The following TMEM232 variants were observed in gnomAD, a reference collection of about 807,000 sequenced individuals.
TMEM232 encodes transmembrane protein 232.
In TMEM232, 80 loss-of-function variants were observed where a neutral mutation model predicts 78.8. The observed-to-expected ratio is 1.01, with a 90% CI of 0.85 to 1.22. TMEM232 has a LOEUF of 1.22. Among genes scored for constraint, TMEM232 ranks in the 50% most tolerant of loss-of-function variants. TMEM232 has a pLI of 0.00. For missense variants in TMEM232, 881 were observed against 742.2 expected (o/e 1.19, Z -2.17); for synonymous variants, 297 against 254.3 (o/e 1.17, Z -1.60).
intron 8 of TMEM232, among the ~76,000 whole-genome samples, chr5:110,617,730 C>A (rs1301955080): frequency 6.6e-6 from 1 of 151,978 alleles, no homozygotes; most frequent in African/African-American, 2.4e-5. Context: ...CCGAGGTAGG[C>A]AGATCACTTG....
chr5:110,594,496 C>A (rs755779494), intron 10 of TMEM232, among the ~76,000 whole-genome samples: 4 of 152,110 alleles, frequency 2.6e-5, no homozygotes, highest in Non-Finnish European at 5.9e-5. Flanking sequence ...AACCAGGGAG[C>A]CAAGTGGTCT....
chr5:110,535,889 C>T (rs568777348), intron 11 of TMEM232, among the ~76,000 whole-genome samples: 4 of 152,262 alleles, frequency 2.6e-5, no homozygotes, highest in East Asian at 1.9e-4. Context: ...AAAATCAAAA[C>T]GCCAACTTTC....
At chr5:110,390,114 A>T (rs527701446) in intron 4 of TMEM232, among the ~76,000 whole-genome samples, 1 of 151,988 alleles carries the variant, frequency 6.6e-6, no homozygotes, top group South Asian at 2.1e-4. Flanking sequence ...CCCATAACCA[A>T]TTGAGCTTTT....
intron 1 of TMEM232, among the ~76,000 whole-genome samples, chr5:110,717,924 C>T (rs1184965508): frequency 6.6e-6 from 1 of 152,038 alleles, no homozygotes; most frequent in East Asian, 1.9e-4. Flanking sequence ...TACCCAGTCT[C>T]AGGTAGTATG....
chr5:110,683,652 C>T (rs369543082), intron 1 of TMEM232, among the ~76,000 whole-genome samples: 31 of 151,500 alleles, frequency 2.0e-4, no homozygotes, highest in Admixed American at 1.9e-3. Flanking sequence ...TATTATTATG[C>T]CTTTTTAGAG....
At chr5:110,432,089 G>C (rs190432818) in intron 12 of TMEM232, among the ~76,000 whole-genome samples, 2 of 151,742 alleles carry the variant, frequency 1.3e-5, no homozygotes, top group Admixed American at 6.6e-5. Context: ...ATATTTTTTT[G>C]TAGAAGTAGA....
intron 12 of TMEM232, among the ~76,000 whole-genome samples, chr5:110,514,779 T>C (rs1266821525): frequency 6.6e-6 from 1 of 152,148 alleles, no homozygotes; most frequent in Admixed American, 6.6e-5. Flanking sequence ...AGGCCAAGTC[T>C]ATTTTGGGGG....
chr5:110,657,472 C>A lies in TMEM232; in HGVS notation c.125+9756G>T, dbSNP rs182822828. Among the ~76,000 whole-genome samples, 6 of 151,648 alleles carry A rather than the reference C, an allele frequency of 4.0e-5. No individual in the cohort carries two copies. In the East Asian group the frequency reaches 9.7e-4, roughly 25 times the overall value. ...TGTCATTTGCAGTAACATGAATGAACCTGGATAACACTATGTTAAAGCACA... is the reference window on the plus strand; with the variant it reads ...TGTCATTTGCAGTAACATGAATGAAACTGGATAACACTATGTTAAAGCACA... On this transcript the variant is annotated intron_variant, in intron 2 of 13. Coordinates refer to ENST00000455884, the MANE Select transcript of TMEM232 (RefSeq NM_001039763.4).
chr5:110,418,790 A>T (rs1370969391), downstream of TMEM232, among the ~76,000 whole-genome samples: 1 of 152,180 alleles, frequency 6.6e-6, no homozygotes, highest in Non-Finnish European at 1.5e-5. Context: ...GAATGCTAGA[A>T]AGTTTCAGAA....
chr5:110,524,435 GAAAA>G (rs1770241632), intron 12 of TMEM232, among the ~76,000 whole-genome samples: 2 of 147,436 alleles, frequency 1.4e-5, no homozygotes, highest in East Asian at 2.0e-4. Flanking sequence ...GAAAAGAAAA[GAAAA>G]GAAAGGAAAG....
intron 10 of TMEM232, among the ~76,000 whole-genome samples, chr5:110,589,010 T>TA (rs1218630986): frequency 6.6e-6 from 1 of 152,058 alleles, no homozygotes; most frequent in African/African-American, 2.4e-5. Context: ...TGCAGGCTTT[T>TA]AAAAAAATCT....
intron 11 of TMEM232, among the ~76,000 whole-genome samples, chr5:110,538,858 C>T (rs1772739633): frequency 6.6e-6 from 1 of 151,914 alleles, no homozygotes; most frequent in Non-Finnish European, 1.5e-5. Flanking sequence ...GTTTTCACTG[C>T]TTTTGCAGAA....
chr5:110,533,130 G>A (rs896974015), intron 11 of TMEM232, among the ~76,000 whole-genome samples: 1 of 152,046 alleles, frequency 6.6e-6, no homozygotes, highest in Non-Finnish European at 1.5e-5. Flanking sequence ...CCTCGTCCCA[G>A]CCTCTCTTTG....
chr5:110,732,722 C>T (rs1798795876), intron 2 of TMEM232, among the ~76,000 whole-genome samples: 2 of 152,256 alleles, frequency 1.3e-5, no homozygotes, highest in African/African-American at 4.8e-5. Context: ...GGGGACACAA[C>T]GAACCATATC....
intron 2 of TMEM232, among the ~76,000 whole-genome samples, chr5:110,404,081 G>A (rs1307838787): frequency 2.6e-5 from 4 of 151,864 alleles, no homozygotes; most frequent in South Asian, 2.1e-4. Context: ...CTTGCCACAG[G>A]ATGCCTGCAC....
chr5:110,682,340 C>T (rs567208674), intron 1 of TMEM232, among the ~76,000 whole-genome samples: 9 of 151,968 alleles, frequency 5.9e-5, no homozygotes, highest in East Asian at 1.9e-4. Flanking sequence ...AATTGCTCTC[C>T]CTTTAAAATA....
chr5:110,526,190 A>T (rs1406696714), intron 12 of TMEM232, among the ~76,000 whole-genome samples: 1 of 151,620 alleles, frequency 6.6e-6, no homozygotes, highest in Non-Finnish European at 1.5e-5. Flanking sequence ...AAAAAAATCC[A>T]TAAACCACAG....
chr5:110,494,156 A>T (rs994799773), intron 12 of TMEM232, among the ~76,000 whole-genome samples: 10 of 152,036 alleles, frequency 6.6e-5, no homozygotes, highest in African/African-American at 2.4e-4. Context: ...TTCTTTATCC[A>T]GTCTGTCATT....
intron 10 of TMEM232, among the ~76,000 whole-genome samples, chr5:110,570,820 C>T (rs961134638): frequency 6.6e-6 from 1 of 151,918 alleles, no homozygotes; most frequent in Non-Finnish European, 1.5e-5. Flanking sequence ...CCATTTGTCC[C>T]TATGTAAATT....
Sources: gnomAD v4.1 joint callset for allele counts (sites outside exome capture counted in the v4.1 genomes callset) on GRCh38, gnomAD v4.1.1 for gene constraint, MANE v1.5 for transcripts, NCBI Gene and HGNC (gene_info 2026-07-23, HGNC 2026-07-21) for gene names.